Variants in ACP3 observed in about 807,000 individuals in gnomAD.
ACP3 encodes the protein acid phosphatase 3, also known as prostatic acid phosphatase.
ACP3 carries 38 observed loss-of-function variants against 45.6 expected under a neutral mutation model. The observed-to-expected ratio is 0.83, with a 90% CI of 0.64 to 1.09. The LOEUF is 1.09. Among genes scored for constraint, ACP3 ranks in the 50% least tolerant of loss-of-function variants. The probability of loss-of-function intolerance (pLI) is 0.00; values close to 1 mark genes in which losing one functional copy is unlikely to be tolerated. For synonymous variants in ACP3, 162 were observed against 164.7 expected (o/e 0.98, Z 0.13); for missense variants, 466 against 463.2 (o/e 1.01, Z -0.05).
At chr3:132,365,501 T>C (rs1427526625) in intron 10 of ACP3, among the ~76,000 whole-genome samples, 1 of 151,676 alleles carries the variant, frequency 6.6e-6, no homozygotes, top group African/African-American at 2.4e-5. Flanking sequence ...AGTGAGTGAG[T>C]GAAGGGAGGG....
At chr3:132,343,862 G>C (rs1223650740) in intron 6 of ACP3, among the ~76,000 whole-genome samples, 1 of 152,198 alleles carries the variant, frequency 6.6e-6, no homozygotes, top group Admixed American at 6.5e-5. Flanking sequence ...GCCAGGTATG[G>C]TGGCTCCTGC....
At chr3:132,350,123 A>C in intron 8 of ACP3, 121 bp downstream of exon 8, 1 of 665,282 alleles carries the variant, frequency 1.5e-6, no homozygotes, top group Non-Finnish European at 2.6e-6. Context: ...AGGCACTTGC[A>C]CAAAGCTTTT....
At chr3:132,347,060 G>T (rs1937618212) in intron 7 of ACP3, among the ~76,000 whole-genome samples, 1 of 152,170 alleles carries the variant, frequency 6.6e-6, no homozygotes, top group Non-Finnish European at 1.5e-5. Context: ...TTACATTTGG[G>T]AGAAGCCACT....
chr3:132,365,317 G>A (rs1180501424), intron 10 of ACP3, among the ~76,000 whole-genome samples: 1 of 152,232 alleles, frequency 6.6e-6, no homozygotes. Flanking sequence ...TGAAGTGAAG[G>A]AGGATATACA....
chr3:132,344,176 G>A (rs950019459), intron 6 of ACP3, among the ~76,000 whole-genome samples: 3 of 151,930 alleles, frequency 2.0e-5, no homozygotes, highest in Admixed American at 2.0e-4. Flanking sequence ...TACTCGGGAG[G>A]CTGAGGCAAG....
At chr3:132,366,556 C>T (rs1938135482) in intron 10 of ACP3, among the ~76,000 whole-genome samples, 1 of 152,036 alleles carries the variant, frequency 6.6e-6, no homozygotes, top group Admixed American at 6.6e-5. Flanking sequence ...AAGGGAGTTT[C>T]CATCAACTGA....
downstream of ACP3, among the ~76,000 whole-genome samples, chr3:132,361,516 G>A (rs1009894749): frequency 1.3e-5 from 2 of 152,138 alleles, no homozygotes; most frequent in African/African-American, 4.8e-5. Context: ...ATTCTGATCT[G>A]TGAGTAGAGC....
At position 132,357,658 on chromosome 3, in the gene ACP3, T is replaced by C. The variant is rs534475776; in HGVS notation, c.*780T>C. The stretch of plus-strand genomic sequence containing the variant: ...TAAGTCATCTGATGAGAACAAGCTA[T>C]TTGGGCACAACACATCAGGAAAGAG... On this transcript the variant is annotated 3_prime_UTR_variant, in exon 10 of 10. Transcript: ENST00000336375. 1 of 985,200 alleles carries C rather than the reference T, an allele frequency of 1.0e-6. No homozygotes were observed. The highest frequency in any genetic ancestry group is 1.7e-5 in the African/African-American group (1 of 57,214). 61.0% of individuals were successfully genotyped at this position (985,200 alleles called of 1,614,324 possible).
Position 132,345,074 on chromosome 3 carries a change from A to G in ACP3, c.781+15A>G. 6.2e-7 allele frequency: 1 copy of G among 1,608,032 alleles called. No homozygotes were observed. ...GCTCCAAGGGGGTAAGTATTAAAAA[A>G]TGAGAGGAGCATATTGGATTTGTGG... On this transcript the variant is annotated intron_variant, in intron 7 of 9. Transcript: ENST00000336375.
downstream of ACP3, among the ~76,000 whole-genome samples, chr3:132,361,254 T>C (rs1450174814): frequency 6.6e-6 from 1 of 152,226 alleles, no homozygotes; most frequent in African/African-American, 2.4e-5. Flanking sequence ...CGCTCCTCCC[T>C]CAAAGATGAG....
At chr3:132,341,116 T>C (rs1471269782) in intron 5 of ACP3, among the ~76,000 whole-genome samples, 1 of 152,174 alleles carries the variant, frequency 6.6e-6, no homozygotes, top group East Asian at 1.9e-4. Flanking sequence ...TTTTCAAAAA[T>C]GTGTATCTCT....
At chr3:132,367,894 A>G in exon 11 of ACP3, 2 of 1,179,666 alleles carry the variant, frequency 1.7e-6, no homozygotes, top group South Asian at 1.2e-5. Flanking sequence ...TCTAAAGGAC[A>G]GGCTTTTGCC....
At chr3:132,359,161 G>A (rs375495037), downstream of ACP3, among the ~76,000 whole-genome samples, 2 of 152,182 alleles carry the variant, frequency 1.3e-5, no homozygotes, top group Non-Finnish European at 2.9e-5. Flanking sequence ...ATTTGGAGTA[G>A]GGGAAGTAAG....
At chr3:132,327,233 T>C (rs543307333) in intron 1 of ACP3, among the ~76,000 whole-genome samples, 2 of 152,362 alleles carry the variant, frequency 1.3e-5, no homozygotes, top group East Asian at 3.9e-4. Flanking sequence ...ATATAAAATG[T>C]TGCCAGGTGT....
intron 2 of ACP3, among the ~76,000 whole-genome samples, chr3:132,330,852 T>C (rs547752724): frequency 6.6e-6 from 1 of 152,200 alleles, no homozygotes; most frequent in African/African-American, 2.4e-5. Context: ...GGGAGACTTG[T>C]TAAAATGCAG....
chr3:132,364,134 A>G (rs1315410733), intron 10 of ACP3, among the ~76,000 whole-genome samples: 1 of 152,096 alleles, frequency 6.6e-6, no homozygotes, highest in Non-Finnish European at 1.5e-5. Context: ...GCTTGAGCCC[A>G]AGAGTTTAGG....
At position 132,333,102 on chromosome 3, in the gene ACP3, G is replaced by A. The variant is rs567010662; in HGVS notation, c.456+758G>A. Reference sequence around the variant, plus strand: ...CCCAGGGCACTCTCCGTAAGAAATCGGAATGTCTGAGGGTGGACCCAGGCA... The same window carrying A: ...CCCAGGGCACTCTCCGTAAGAAATCAGAATGTCTGAGGGTGGACCCAGGCA... On this transcript the variant is annotated intron_variant, in intron 4 of 9. Coordinates refer to ENST00000336375, the MANE Select transcript of ACP3 (RefSeq NM_001099.5). Among the ~76,000 whole-genome samples the A allele has an allele frequency of 7.2e-5, 11 of 152,216 alleles. No homozygotes were observed. In the South Asian group the frequency reaches 1.5e-3, roughly 20 times the overall value.
chr3:132,365,956 C>T (rs910190327), intron 10 of ACP3, among the ~76,000 whole-genome samples: 1 of 151,826 alleles, frequency 6.6e-6, no homozygotes, highest in African/African-American at 2.4e-5. Context: ...TGCCACTGCA[C>T]TCCAGCTTGG....
At chr3:132,359,495 G>C (rs55755772), downstream of ACP3, among the ~76,000 whole-genome samples, 2 of 151,448 alleles carry the variant, frequency 1.3e-5, no homozygotes, top group African/African-American at 4.9e-5. Flanking sequence ...GCAACAGAGC[G>C]AGACTCTGTC....
Sources: gnomAD v4.1 joint callset for allele counts (sites outside exome capture counted in the v4.1 genomes callset) on GRCh38, gnomAD v4.1.1 for gene constraint, MANE v1.5 for transcripts, NCBI Gene and HGNC (gene_info 2026-07-23, HGNC 2026-07-21) for gene names.